Variants in KIF18A observed in about 807,000 individuals in gnomAD.
KIF18A encodes the protein kinesin family member 18A.
Under a neutral mutation model 103.3 loss-of-function variants are expected in KIF18A, and 67 were observed. The ratio of observed to expected loss-of-function variants is 0.65; its 90% CI spans 0.53 to 0.79. The LOEUF is 0.79. Among genes scored for constraint, KIF18A ranks in the 30% least tolerant of loss-of-function variants. The pLI is 0.00. For missense variants in KIF18A, 1,032 were observed against 1,062.5 expected (o/e 0.97, Z 0.40); for synonymous variants, 367 against 355.5 (o/e 1.03, Z -0.36).
At chr11:28,030,603 T>C (rs897197680) in intron 15 of KIF18A, among the ~76,000 whole-genome samples, 3 of 152,140 alleles carry the variant, frequency 2.0e-5, no homozygotes, top group African/African-American at 7.2e-5. Context: ...GGCAATACCA[T>C]TCAGGACATA....
At position 28,090,690 on chromosome 11, in the gene KIF18A, T is replaced by C. The variant is rs1252012696; in HGVS notation, c.626A>G (p.Asn209Ser). ...SSEEILHLLD[N>S]GNKNRTQHPT... ...ATGTTGTGTCCTGTTTTTGTTTCCA[T>C]TATCCAATAAATGTAAAATTTCTTC... The change falls in exon 5 of 17, where the codon AAT becomes AGT. Residue 209 changes from asparagine to serine, a missense_variant. Coordinates refer to ENST00000263181, the MANE Select transcript of KIF18A (RefSeq NM_031217.4). 6.2e-7 allele frequency: 1 copy of C among 1,609,034 alleles called. No individual in the cohort carries two copies. The highest frequency in any genetic ancestry group is 1.7e-5 in the Admixed American group (1 of 59,880).
intron 13 of KIF18A, among the ~76,000 whole-genome samples, chr11:28,041,790 A>T (rs1850564064): frequency 6.6e-6 from 1 of 151,852 alleles, no homozygotes; most frequent in South Asian, 2.1e-4. Flanking sequence ...GGGTATTATA[A>T]TATCTATATA....
At chr11:28,034,740 T>C (rs1850460199) in intron 15 of KIF18A, among the ~76,000 whole-genome samples, 2 of 151,758 alleles carry the variant, frequency 1.3e-5, no homozygotes, top group Admixed American at 1.3e-4. Context: ...CTCTATGCCT[T>C]ATGCCATAAA....
chr11:28,102,722 G>A (rs530044402), intron 1 of KIF18A, among the ~76,000 whole-genome samples: 173 of 152,262 alleles, frequency 1.1e-3, no homozygotes, highest in African/African-American at 3.9e-3. Flanking sequence ...AAACAAATAT[G>A]TGGATAGAAT....
intron 13 of KIF18A, among the ~76,000 whole-genome samples, chr11:28,044,596 C>T (rs1187620200): frequency 2.6e-5 from 4 of 151,924 alleles, no homozygotes; most frequent in Non-Finnish European, 5.9e-5. Context: ...TAGAGATTCC[C>T]GCTTCAAAAA....
chr11:28,021,138 G>T lies in KIF18A; in HGVS notation c.*62C>A. ...AAGATTTTAAATATATTTTTGAAAG[G>T]GTATTGATAAACTTTGAAAAGCAGA... On this transcript the variant is annotated 3_prime_UTR_variant, in exon 17 of 17. Coordinates refer to ENST00000263181, the MANE Select transcript of KIF18A (RefSeq NM_031217.4). The T allele has an allele frequency of 7.2e-7, 1 of 1,383,850 alleles. No homozygotes were observed. The allele number at this position is 1,383,850 out of a possible 1,614,324, so 85.7% of individuals were successfully genotyped here. A position where few individuals can be genotyped will look rare whatever the true frequency, so the allele number is the denominator to read the frequency against.
At chr11:28,076,832 G>A (rs1851097713) in intron 10 of KIF18A, 175 bp downstream of exon 10, 1 of 374,656 alleles carries the variant, frequency 2.7e-6, no homozygotes, top group East Asian at 5.2e-5. Flanking sequence ...TAGCTGGGAG[G>A]CTGAGGCAGG....
intron 16 of KIF18A, 114 bp from the exon 17 acceptor site, chr11:28,021,396 C>T: frequency 2.3e-6 from 2 of 880,322 alleles, no homozygotes; most frequent in Non-Finnish European, 3.1e-6. Flanking sequence ...TCTTGAAATT[C>T]ATAGTTGTTA....
chr11:28,034,712 T>C (rs1850459488), intron 15 of KIF18A, among the ~76,000 whole-genome samples: 1 of 151,760 alleles, frequency 6.6e-6, no homozygotes, highest in South Asian at 2.1e-4. Context: ...AGCTCTAAGT[T>C]TCCATTTTCT....
chr11:28,091,795 G>A (rs1851308278), intron 3 of KIF18A, among the ~76,000 whole-genome samples: 1 of 152,184 alleles, frequency 6.6e-6, no homozygotes, highest in Non-Finnish European at 1.5e-5. Flanking sequence ...ACAGAGATAA[G>A]TAAGATAGCT....
chr11:28,053,119 T>A (rs1590679546), intron 13 of KIF18A, among the ~76,000 whole-genome samples: 1 of 152,136 alleles, frequency 6.6e-6, no homozygotes, highest in African/African-American at 2.4e-5. Context: ...AAAGACTGCA[T>A]AGGCATGAAC....
intron 9 of KIF18A, among the ~76,000 whole-genome samples, chr11:28,078,452 C>G (rs1407819527): frequency 6.6e-6 from 1 of 151,960 alleles, no homozygotes; most frequent in Non-Finnish European, 1.5e-5. Flanking sequence ...ATTTTGTGAT[C>G]TAGACTTATT....
intron 10 of KIF18A, among the ~76,000 whole-genome samples, chr11:28,071,175 T>C (rs1851008535): frequency 1.3e-5 from 2 of 152,220 alleles, no homozygotes; most frequent in Non-Finnish European, 2.9e-5. Flanking sequence ...GTTAAAACTA[T>C]CAAAACCATT....
chr11:28,027,127 A>G (rs183254668), intron 15 of KIF18A, among the ~76,000 whole-genome samples: 28 of 151,964 alleles, frequency 1.8e-4, no homozygotes, highest in Non-Finnish European at 3.4e-4. Flanking sequence ...TACTTAAATG[A>G]TAACAGGCTC....
At chr11:28,088,796 A>G (rs1590706493) in intron 5 of KIF18A, 75 bp from the exon 6 acceptor site, 2 of 1,108,712 alleles carry the variant, frequency 1.8e-6, no homozygotes, top group East Asian at 5.2e-5. Flanking sequence ...ATACTTTAAT[A>G]GAGCACAAAA....
intron 1 of KIF18A, among the ~76,000 whole-genome samples, chr11:28,099,185 A>C (rs1477524156): frequency 6.6e-6 from 1 of 152,190 alleles, no homozygotes; most frequent in Non-Finnish European, 1.5e-5. Flanking sequence ...GTCATTTATG[A>C]CGACATGAAT....
At chr11:28,057,415 T>TGAGGCAGGAGAATGGTGTG (rs1850795187) in intron 13 of KIF18A, among the ~76,000 whole-genome samples, 1 of 152,044 alleles carries the variant, frequency 6.6e-6, no homozygotes, top group Admixed American at 6.5e-5. Context: ...CTTTGGAGGC[T>TGAGGCAGGAGAATGGTGTG]GAGGCAGGAG....
chr11:28,083,257 G>C lies in KIF18A; in HGVS notation c.1075-14C>G. 2 of 1,546,434 alleles carry C rather than the reference G, an allele frequency of 1.3e-6. No homozygotes were observed. Among genetic ancestry groups the C allele is most frequent in the Non-Finnish European group, 1.7e-6 (2 of 1,157,546 alleles). ...ATTGCTCTTCAACTGTTGAAAGATA[G>C]AAATTATGATTGTTTATAGAGAGAT... On this transcript the variant is annotated splice_polypyrimidine_tract_variant and intron_variant, in intron 7 of 16. Transcript: ENST00000263181.
intron 5 of KIF18A, among the ~76,000 whole-genome samples, chr11:28,089,093 C>T (rs1851269166): frequency 6.6e-6 from 1 of 152,140 alleles, no homozygotes; most frequent in East Asian, 1.9e-4. Flanking sequence ...CGTTAGAATG[C>T]CTTGTATGTA....
Sources: allele counts gnomAD v4.1 joint callset (sites outside exome capture counted in the v4.1 genomes callset), GRCh38; gene constraint gnomAD v4.1.1; transcripts MANE v1.5; gene names NCBI Gene and HGNC (gene_info 2026-07-23, HGNC 2026-07-21).